The following UNC93B1 variants were observed in gnomAD, a reference collection of about 807,000 sequenced individuals.
The protein encoded by UNC93B1 is protein unc-93 homolog B1.
In UNC93B1, 33 loss-of-function variants were observed where a neutral mutation model predicts 56.8. The ratio of observed to expected loss-of-function variants is 0.58; its 90% CI spans 0.44 to 0.78. The LOEUF is 0.78. UNC93B1 is among the 30% of genes least tolerant of loss of function. The probability of loss-of-function intolerance (pLI) is 0.00; values close to 1 mark genes in which losing one functional copy is unlikely to be tolerated. For missense variants in UNC93B1, 673 were observed against 819.5 expected (o/e 0.82, Z 2.18); for synonymous variants, 334 against 358.6 (o/e 0.93, Z 0.77).
rs1361192413 is a variant in UNC93B1, at chr11:67,991,596, G to C, written c.1744C>G (p.Pro582Ala). 2 of 1,497,058 alleles carry C rather than the reference G, an allele frequency of 1.3e-6. No individual in the cohort carries two copies. The highest frequency in any genetic ancestry group is 5.3e-5 in the East Asian group (2 of 37,890). 92.7% of individuals were successfully genotyped at this position (1,497,058 alleles called of 1,614,324 possible). ...GPEPAGLGRRPCPYEQAQGGD... is the reference protein window; with the variant it reads ...GPEPAGLGRRACPYEQAQGGD... ...CCCTGCGCCTGTTCGTACGGGCAGG[G>C]CCGGCGGCCGAGTCCAGCGGGCTCG... The change falls in exon 11 of 11, where the codon CCC becomes GCC. Residue 582 changes from proline to alanine, a missense_variant. By Grantham distance (27) the Pro-to-Ala change is conservative. Around this residue, in one of 3 missense-constraint regions of UNC93B1, gnomAD observed 80 missense variants for 85.3 expected, o/e 0.94. Coordinates refer to ENST00000227471, the MANE Select transcript of UNC93B1 (RefSeq NM_030930.4).
chr11:67,992,353 T>TC (rs1304419243), intron 10 of UNC93B1, among the ~76,000 whole-genome samples: 1 of 152,142 alleles, frequency 6.6e-6, no homozygotes, highest in East Asian at 1.9e-4. Context: ...TCGCTCCGTT[T>TC]CCCCACCGCG....
chr11:67,996,581 T>C (rs1856950666), intron 8 of UNC93B1, 21 bp downstream of exon 8: 2 of 1,503,850 alleles, frequency 1.3e-6, no homozygotes, highest in African/African-American at 1.4e-5. Context: ...TGTCGGGCAA[T>C]CCTTTGCAGG....
At chr11:67,999,424 G>A in intron 4 of UNC93B1, 95 bp downstream of exon 4, 2 of 1,547,884 alleles carry the variant, frequency 1.3e-6, no homozygotes, top group Non-Finnish European at 1.7e-6. Context: ...CCAGAGGGCG[G>A]AAGGGGCTTC....
chr11:68,003,289 T>C lies in UNC93B1; in HGVS notation c.239-114A>G, dbSNP rs1590764355. 7.9e-7 allele frequency: 1 copy of C among 1,271,998 alleles called. No individual in the cohort carries two copies. Among genetic ancestry groups the C allele is most frequent in the East Asian group, 2.8e-5 (1 of 36,208 alleles). The allele number at this position is 1,271,998 out of a possible 1,614,324, so 78.8% of individuals were successfully genotyped here. A position where few individuals can be genotyped will look rare whatever the true frequency, so the allele number is the denominator to read the frequency against. On this transcript the variant is annotated intron_variant, in intron 2 of 10. Coordinates refer to ENST00000227471, the MANE Select transcript of UNC93B1 (RefSeq NM_030930.4). The surrounding 1 kb of genome is among the most constrained non-coding windows in gnomAD (Gnocchi z 4.4). ...CTCCAATCACCGAAGGCATTCCCGCTGACAGCGCCCCTCAGGACAGCGGGG... is the reference window on the plus strand; with the variant it reads ...CTCCAATCACCGAAGGCATTCCCGCCGACAGCGCCCCTCAGGACAGCGGGG...
intron 8 of UNC93B1, 54 bp downstream of exon 8, chr11:67,996,548 A>AT: frequency 6.8e-7 from 1 of 1,478,034 alleles, no homozygotes; most frequent in Non-Finnish European, 9.0e-7. Flanking sequence ...TTGAATTCAA[A>AT]TTTACCTGGC....
At chr11:67,994,411 T>A (rs1462945173) in intron 9 of UNC93B1, among the ~76,000 whole-genome samples, 3 of 152,194 alleles carry the variant, frequency 2.0e-5, no homozygotes, top group African/African-American at 7.2e-5. Context: ...TGTTCTGAAG[T>A]TCTAAAGTGA....
chr11:67,991,300 G>T lies in UNC93B1; in HGVS notation c.*246C>A, dbSNP rs10896285. Reference sequence around the variant, plus strand: ...CTGGGGCGCGTGCTAAGGGCCCGCGGGGTTTCAGCTGTATTTTCGAACCCC... The same window carrying T: ...CTGGGGCGCGTGCTAAGGGCCCGCGTGGTTTCAGCTGTATTTTCGAACCCC... On this transcript the variant is annotated 3_prime_UTR_variant, in exon 11 of 11. Transcript: ENST00000227471. 0.15 allele frequency: 61,719 copies of T among 405,870 alleles called. 4,909 individuals are homozygous for T. Among genetic ancestry groups the T allele is most frequent in the Non-Finnish European group, 0.16 (37,535 of 232,554 alleles). The allele number at this position is 405,870 out of a possible 1,614,324, so 25.1% of individuals were successfully genotyped here.
Position 68,003,441 on chromosome 11 carries a change from C to T in UNC93B1, c.238+216G>A. ...GCAGGTCTGTCCGGGAGCCCGGACC[C>T]CCGTCCCCCACCCACACCGAGGCTC... On this transcript the variant is annotated intron_variant, in intron 2 of 10. Transcript: ENST00000227471. The surrounding 1 kb of genome is among the most constrained non-coding windows in gnomAD (Gnocchi z 4.4). 1.2e-6 allele frequency: 1 copy of T among 845,942 alleles called. No homozygotes were observed. The highest frequency in any genetic ancestry group is 1.7e-6 in the Non-Finnish European group (1 of 581,746). The allele number at this position is 845,942 out of a possible 1,614,324, so 52.4% of individuals were successfully genotyped here.
chr11:67,996,722 G>T lies in UNC93B1; in HGVS notation c.969C>A (p.Gly323=), dbSNP rs1159148197. 6.4e-7 allele frequency: 1 copy of T among 1,554,612 alleles called. No individual in the cohort carries two copies. The highest frequency in any genetic ancestry group is 2.4e-5 in the East Asian group (1 of 41,080). ...PTEEIDLRSV[G]WGNIFQLPFK... is the part of the protein sequence containing the mutation. ...AGGGCAGCTGGAAGATGTTGCCCCAGCCCACGCTGCGCAGATCGATCTCCT... is the reference window on the plus strand; with the variant it reads ...AGGGCAGCTGGAAGATGTTGCCCCATCCCACGCTGCGCAGATCGATCTCCT... The change falls in exon 8 of 11, where the codon GGC becomes GGA. Residue 323 remains glycine (G), a synonymous_variant. Transcript: ENST00000227471.
Position 68,003,427 on chromosome 11 carries a change from C to G in UNC93B1, c.238+230G>C. The G allele has an allele frequency of 2.4e-6, 2 of 818,278 alleles. No individual in the cohort carries two copies. The highest frequency in any genetic ancestry group is 3.9e-5 in the South Asian group (2 of 50,922). 50.7% of individuals were successfully genotyped at this position (818,278 alleles called of 1,614,324 possible). A position where few individuals can be genotyped will look rare whatever the true frequency, so the allele number is the denominator to read the frequency against. On this transcript the variant is annotated intron_variant, in intron 2 of 10. Transcript: ENST00000227471. This position sits in a 1 kb window ranked among gnomAD's most constrained non-coding sequence, Gnocchi z 4.4. Reference sequence around the variant, plus strand: ...CAATTCTGACGGTGGCAGGTCTGTCCGGGAGCCCGGACCCCCGTCCCCCAC... The same window carrying G: ...CAATTCTGACGGTGGCAGGTCTGTCGGGGAGCCCGGACCCCCGTCCCCCAC...
At chr11:67,998,550 A>G (rs1856991183) in intron 5 of UNC93B1, 98 bp from the exon 6 acceptor site, 3 of 1,205,298 alleles carry the variant, frequency 2.5e-6, no homozygotes, top group Non-Finnish European at 3.6e-6. Context: ...GCCTTGGGGG[A>G]ACAGGGGCCT....
intron 6 of UNC93B1, 129 bp downstream of exon 6, chr11:67,998,230 T>A: frequency 1.9e-6 from 2 of 1,063,768 alleles, no homozygotes; most frequent in Non-Finnish European, 2.9e-6. Context: ...TACAGGGCCC[T>A]GTGTCTTGCC....
At chr11:67,997,822 C>A in intron 6 of UNC93B1, 23 bp from the exon 7 acceptor site, 2 of 1,599,714 alleles carry the variant, frequency 1.3e-6, no homozygotes. Flanking sequence ...GGGGTGAGGG[C>A]ACCGTGAGCA....
chr11:67,998,704 C>A (rs1856993943), intron 5 of UNC93B1, among the ~76,000 whole-genome samples: 1 of 152,106 alleles, frequency 6.6e-6, no homozygotes, highest in African/African-American at 2.4e-5. Flanking sequence ...AGATGGGCAG[C>A]CTGGGCAACA....
chr11:67,994,799 C>T (rs1590759300), intron 9 of UNC93B1, among the ~76,000 whole-genome samples: 1 of 152,246 alleles, frequency 6.6e-6, no homozygotes, highest in Admixed American at 6.5e-5. Flanking sequence ...TACTCCACAC[C>T]CCCAAGGATG....
rs1428011357 is a variant in UNC93B1, at chr11:68,003,188, CAG to C, written c.239-15_239-14del. The C allele has an allele frequency of 6.2e-7, 1 of 1,606,122 alleles. No homozygotes were observed. The highest frequency in any genetic ancestry group is 1.7e-5 in the Admixed American group (1 of 59,888). On this transcript the variant is annotated splice_polypyrimidine_tract_variant and intron_variant, in intron 2 of 10. Coordinates refer to ENST00000227471, the MANE Select transcript of UNC93B1 (RefSeq NM_030930.4). The surrounding 1 kb of genome is among the most constrained non-coding windows in gnomAD (Gnocchi z 4.4). ...ATCTGCAGGAGGCCTGGGGACAGGACAGAGAGCGGCGTGCAGGGAGCAGCCTA... is the reference window on the plus strand; with the variant it reads ...ATCTGCAGGAGGCCTGGGGACAGGACAGAGCGGCGTGCAGGGAGCAGCCTA...
intron 7 of UNC93B1, 53 bp from the exon 8 acceptor site, chr11:67,996,837 AG>A (rs1317614401): frequency 6.8e-7 from 1 of 1,468,400 alleles, no homozygotes; most frequent in East Asian, 2.6e-5. Context: ...CCTGGCCTCC[AG>A]GCTTCAGCCC....
intron 9 of UNC93B1, 25 bp downstream of exon 9, chr11:67,995,586 C>T (rs761871528): frequency 1.8e-6 from 1 of 541,264 alleles, no homozygotes. Context: ...GCCCCCCCCC[C>T]CCCAGTGCCC....
Position 67,991,642 on chromosome 11 carries a change from G to A in UNC93B1, c.1698C>T (p.Pro566=). The A allele has an allele frequency of 6.6e-7, 1 of 1,522,416 alleles. No individual in the cohort carries two copies. The highest frequency in any genetic ancestry group is 1.2e-5 in the South Asian group (1 of 82,784). The allele number at this position is 1,522,416 out of a possible 1,614,324, so 94.3% of individuals were successfully genotyped here. Residue 566 remains proline, a synonymous_variant, in exon 11 of 11, where the codon CCC becomes CCT. Coordinates refer to ENST00000227471, the MANE Select transcript of UNC93B1 (RefSeq NM_030930.4). ...HGDGAEEEAP[P]AGPRPGPEPA... is the part of the protein sequence containing the mutation. Reference sequence around the variant, plus strand: ...GCTCGGGGCCAGGCCTGGGCCCTGCGGGCGGCGCCTCCTCCTCCGCGCCGT... The same window carrying A: ...GCTCGGGGCCAGGCCTGGGCCCTGCAGGCGGCGCCTCCTCCTCCGCGCCGT...
Sources: allele counts gnomAD v4.1 joint callset (sites outside exome capture counted in the v4.1 genomes callset), GRCh38; gene constraint gnomAD v4.1.1; regional missense constraint gnomAD v4.1.1; non-coding constraint Gnocchi (gnomAD v3.1); transcripts MANE v1.5; gene names NCBI Gene and HGNC (gene_info 2026-07-23, HGNC 2026-07-21).